Variants in HOXC4 observed in about 807,000 individuals in gnomAD.
The protein encoded by HOXC4 is homeobox C4.
Under a neutral mutation model 25.5 loss-of-function variants are expected in HOXC4, and 15 were observed. That is an observed-to-expected ratio of 0.59 (90% CI 0.39 to 0.91). The LOEUF is 0.91. Among genes scored for constraint, HOXC4 ranks in the 40% least tolerant of loss-of-function variants. The probability of loss-of-function intolerance (pLI) is 0.00; values close to 1 mark genes in which losing one functional copy is unlikely to be tolerated. For missense variants in HOXC4, 342 were observed against 352.4 expected (o/e 0.97, Z 0.24); for synonymous variants, 165 against 148.0 (o/e 1.11, Z -0.83).
In HOXC4 at chr12:54,053,885, G is replaced by A; in HGVS notation, c.-38G>A. The A allele has an allele frequency of 6.5e-7, 1 of 1,539,602 alleles. No individual in the cohort carries two copies. ...GGAGGGCTTTATGGAGCAGAAAAAC[G>A]ACAAAGCGAGAAAAATTATTTTCCA... is the stretch of plus-strand genomic sequence containing the variant. On this transcript the variant is annotated 5_prime_UTR_variant, in exon 1 of 2. Coordinates refer to ENST00000430889, the MANE Select transcript of HOXC4 (RefSeq NM_153633.3).
intron 1 of HOXC4, among the ~76,000 whole-genome samples, chr12:54,024,359 A>C (rs894737): frequency 0.29 from 44,608 of 152,014 alleles, 7,375 homozygotes; most frequent in East Asian, 0.44. Context: ...GAGCAGCCTC[A>C]GGAGGCACCG....
At chr12:54,030,121 G>A in intron 1 of HOXC4, 1 of 675,868 alleles carries the variant, frequency 1.5e-6, no homozygotes, top group Non-Finnish European at 2.4e-6. Context: ...GTCAGCTCTG[G>A]ACCCCCTCCC....
At chr12:54,037,483 G>A (rs939381316) in intron 1 of HOXC4, among the ~76,000 whole-genome samples, 1 of 152,140 alleles carries the variant, frequency 6.6e-6, no homozygotes, top group African/African-American at 2.4e-5. Flanking sequence ...GTGGGAAGAG[G>A]GGGGACACGG....
intron 1 of HOXC4, among the ~76,000 whole-genome samples, chr12:54,027,210 A>T (rs1231197327): frequency 2.6e-5 from 4 of 152,204 alleles, no homozygotes; most frequent in Non-Finnish European, 5.9e-5. Flanking sequence ...TGGGGGAATA[A>T]AATGGGCGTT....
chr12:54,019,360 C>A (rs942688396), intron 1 of HOXC4, among the ~76,000 whole-genome samples: 1 of 152,162 alleles, frequency 6.6e-6, no homozygotes, highest in African/African-American at 2.4e-5. Flanking sequence ...TGATGCCCCG[C>A]GGATCCAGCC....
chr12:54,033,461 G>GTA, intron 1 of HOXC4: 1 of 1,598,676 alleles, frequency 6.3e-7, no homozygotes, highest in Non-Finnish European at 8.5e-7. Context: ...AGCGAGCTAA[G>GTA]AGCAGTGGGG....
At chr12:54,042,656 T>C (rs1396251007) in intron 1 of HOXC4, among the ~76,000 whole-genome samples, 1 of 152,202 alleles carries the variant, frequency 6.6e-6, no homozygotes, top group African/African-American at 2.4e-5. Context: ...CCTGAGCCTC[T>C]TCTTTAGTGG....
At chr12:54,036,786 C>T (rs1368088589) in intron 1 of HOXC4, among the ~76,000 whole-genome samples, 3 of 152,198 alleles carry the variant, frequency 2.0e-5, no homozygotes, top group Admixed American at 1.3e-4. Flanking sequence ...CGTGGAGAAG[C>T]ACTGGCGTCT....
intron 1 of HOXC4, chr12:54,022,552 C>A (rs1940497718): frequency 6.6e-6 from 1 of 152,090 alleles, no homozygotes; most frequent in African/African-American, 2.4e-5. Context: ...TTAAATGGTT[C>A]TTTCAGATCT....
intron 1 of HOXC4, among the ~76,000 whole-genome samples, chr12:54,025,711 G>A (rs188868870): frequency 3.9e-5 from 6 of 152,138 alleles, no homozygotes; most frequent in Admixed American, 3.3e-4. Flanking sequence ...GTTTAGGGAC[G>A]TCATAAAACA....
intron 1 of HOXC4, chr12:54,032,860 C>T (rs1462215680): frequency 4.7e-6 from 1 of 213,084 alleles, no homozygotes; most frequent in Admixed American, 5.6e-5. Flanking sequence ...CTTGGTTGGG[C>T]TTTGCCAACA....
chr12:54,026,972 G>C (rs920391689), intron 1 of HOXC4, among the ~76,000 whole-genome samples: 2 of 139,018 alleles, frequency 1.4e-5, no homozygotes, highest in East Asian at 2.3e-4. Flanking sequence ...GGTGGGGGGG[G>C]GGGGATATGA....
chr12:54,030,458 A>T (rs1365357433), intron 1 of HOXC4: 1 of 153,028 alleles, frequency 6.5e-6, no homozygotes, highest in Non-Finnish European at 1.5e-5. Flanking sequence ...GCCTCCCCGC[A>T]GTCCCTGCCT....
intron 1 of HOXC4, among the ~76,000 whole-genome samples, chr12:54,019,756 T>C (rs998551361): frequency 2.6e-5 from 4 of 152,062 alleles, no homozygotes; most frequent in African/African-American, 4.8e-5. Context: ...CACAGCGAGA[T>C]TTGGAGGTGC....
At chr12:54,030,031 C>A in intron 1 of HOXC4, 1 of 1,347,942 alleles carries the variant, frequency 7.4e-7, no homozygotes, top group Non-Finnish European at 1.0e-6. Context: ...CCTAATCACA[C>A]ACTCTGTATT....
Position 54,054,248 on chromosome 12 carries a change from C to T in HOXC4, c.326C>T (p.Ser109Phe). The T allele has an allele frequency of 1.9e-6, 3 of 1,611,024 alleles. No individual in the cohort carries two copies. Among genetic ancestry groups the T allele is most frequent in the Non-Finnish European group, 2.5e-6 (3 of 1,178,652 alleles). The change falls in exon 1 of 2, where the codon TCC becomes TTC. Residue 109 changes from serine (S) to phenylalanine (F), a missense_variant. Ser to Phe is a radical substitution (Grantham distance 155). Transcript: ENST00000430889. Reference protein sequence around the residue: ...EPAPLSGASASPSPAPPACSQ... With the variant: ...EPAPLSGASAFPSPAPPACSQ... Reference sequence around the variant, plus strand: ...GCGCCTCTCTCAGGCGCCTCCGCCTCCCCGTCCCCAGCCCCGCCAGCCTGC... The same window carrying T: ...GCGCCTCTCTCAGGCGCCTCCGCCTTCCCGTCCCCAGCCCCGCCAGCCTGC...
intron 1 of HOXC4, among the ~76,000 whole-genome samples, chr12:54,031,025 T>C (rs1940965233): frequency 6.6e-6 from 1 of 152,214 alleles, no homozygotes; most frequent in African/African-American, 2.4e-5. Context: ...CTGGGCTCCC[T>C]GCGCGGAGCA....
At chr12:54,046,564 G>A (rs7315688) in intron 1 of HOXC4, among the ~76,000 whole-genome samples, 57,232 of 151,724 alleles carry the variant, frequency 0.38, 11,588 homozygotes, top group East Asian at 0.61. Context: ...CACAGTTAAT[G>A]GTAACTCATT....
intron 1 of HOXC4, chr12:54,028,356 C>A: frequency 1.5e-6 from 1 of 659,930 alleles, no homozygotes; most frequent in Non-Finnish European, 2.5e-6. Context: ...TTTTTTTCCC[C>A]CTTCCTGACA....
Sources: allele counts gnomAD v4.1 joint callset (sites outside exome capture counted in the v4.1 genomes callset), GRCh38; gene constraint gnomAD v4.1.1; transcripts MANE v1.5; gene names NCBI Gene and HGNC (gene_info 2026-07-23, HGNC 2026-07-21).